Variants in BMPR1B observed in about 807,000 individuals in gnomAD.
BMPR1B encodes the protein bone morphogenetic protein receptor type-1B.
In BMPR1B, 12 loss-of-function variants were observed where a neutral mutation model predicts 59.1. The ratio of observed to expected loss-of-function variants is 0.20; its 90% CI spans 0.13 to 0.33. The LOEUF (loss-of-function observed/expected upper bound fraction) is 0.33. BMPR1B is among the 10% of genes least tolerant of loss of function. The pLI, the probability that BMPR1B is intolerant of heterozygous loss-of-function variation, is 1.00. For missense variants in BMPR1B, 550 were observed against 610.9 expected (o/e 0.90, Z 1.05); for synonymous variants, 237 against 207.3 (o/e 1.14, Z -1.23).
At chr4:94,996,915 TC>T (rs1722100533) in intron 3 of BMPR1B, among the ~76,000 whole-genome samples, 1 of 152,208 alleles carries the variant, frequency 6.6e-6, no homozygotes, top group Admixed American at 6.5e-5. Context: ...AGCATGTTCA[TC>T]TTCATTATGG....
At chr4:94,792,592 A>G (rs1329404960) in intron 1 of BMPR1B, among the ~76,000 whole-genome samples, 1 of 152,164 alleles carries the variant, frequency 6.6e-6, no homozygotes, top group Non-Finnish European at 1.5e-5. Flanking sequence ...AAGTCAAGAG[A>G]CTACTTTGAG....
intron 10 of BMPR1B, among the ~76,000 whole-genome samples, chr4:95,131,789 C>T (rs757523206): frequency 6.6e-6 from 1 of 152,182 alleles, no homozygotes; most frequent in East Asian, 1.9e-4. Flanking sequence ...CCTGGGAATA[C>T]GTAGTCAGAA....
At chr4:94,819,787 A>G (rs1049870376) in intron 1 of BMPR1B, among the ~76,000 whole-genome samples, 1 of 152,238 alleles carries the variant, frequency 6.6e-6, no homozygotes, top group African/African-American at 2.4e-5. Context: ...GAACCTTTTA[A>G]CAAGGAGCTC....
chr4:94,970,594 TGAACCA>T (rs1730753498), intron 2 of BMPR1B, among the ~76,000 whole-genome samples: 1 of 152,186 alleles, frequency 6.6e-6, no homozygotes, highest in Non-Finnish European at 1.5e-5. Flanking sequence ...ATTACAGGCA[TGAACCA>T]CCACACCCGG....
chr4:95,013,017 A>G (rs187332692), intron 3 of BMPR1B, among the ~76,000 whole-genome samples: 1 of 152,248 alleles, frequency 6.6e-6, no homozygotes, highest in African/African-American at 2.4e-5. Context: ...GTTGAAAGCA[A>G]AATTTTTAAA....
intron 3 of BMPR1B, among the ~76,000 whole-genome samples, chr4:95,103,268 C>T (rs1458529282): frequency 6.6e-6 from 1 of 151,912 alleles, no homozygotes; most frequent in Admixed American, 6.6e-5. Flanking sequence ...TCTGATGGAA[C>T]CATTACCTGC....
chr4:95,151,653 A>G (rs1433444981), intron 11 of BMPR1B, among the ~76,000 whole-genome samples: 3 of 152,340 alleles, frequency 2.0e-5, no homozygotes, highest in African/African-American at 7.2e-5. Flanking sequence ...GTTTACAAGA[A>G]AGAACATAAC....
At chr4:94,895,647 G>A (rs1175918105) in intron 2 of BMPR1B, among the ~76,000 whole-genome samples, 1 of 150,736 alleles carries the variant, frequency 6.6e-6, no homozygotes, top group Admixed American at 6.6e-5. Flanking sequence ...AAATATCTTG[G>A]TATTTATGAG....
intron 1 of BMPR1B, among the ~76,000 whole-genome samples, chr4:94,786,928 A>G (rs1327316967): frequency 6.6e-6 from 1 of 152,018 alleles, no homozygotes; most frequent in African/African-American, 2.4e-5. Flanking sequence ...GCCTCAAGTG[A>G]TCCTCCTGCC....
intron 3 of BMPR1B, among the ~76,000 whole-genome samples, chr4:95,080,251 T>A (rs1729024885): frequency 6.6e-6 from 1 of 152,216 alleles, no homozygotes; most frequent in Non-Finnish European, 1.5e-5. Flanking sequence ...TGTACGTATG[T>A]ATGTATATAA....
intron 1 of BMPR1B, among the ~76,000 whole-genome samples, chr4:94,763,232 G>A (rs541341940): frequency 6.6e-6 from 1 of 152,288 alleles, no homozygotes; most frequent in East Asian, 1.9e-4. Context: ...CTCTAATTAG[G>A]TCTGAGTGTC....
At chr4:94,891,551 T>G (rs945536975) in intron 2 of BMPR1B, among the ~76,000 whole-genome samples, 1 of 152,076 alleles carries the variant, frequency 6.6e-6, no homozygotes, top group Non-Finnish European at 1.5e-5. Flanking sequence ...GTTTTTGAAG[T>G]GGCAGTAATC....
At chr4:94,945,172 A>G (rs1729661417) in intron 2 of BMPR1B, among the ~76,000 whole-genome samples, 1 of 152,218 alleles carries the variant, frequency 6.6e-6, no homozygotes, top group African/African-American at 2.4e-5. Context: ...TCACAGAATT[A>G]ATATAGAATT....
At chr4:94,982,164 G>A (rs1721118742) in intron 2 of BMPR1B, among the ~76,000 whole-genome samples, 2 of 152,090 alleles carry the variant, frequency 1.3e-5, no homozygotes, top group Admixed American at 6.6e-5. Flanking sequence ...ATTGTGTTGG[G>A]TATTTCCAGA....
At chr4:94,911,573 T>A (rs972144676) in intron 2 of BMPR1B, among the ~76,000 whole-genome samples, 1 of 152,152 alleles carries the variant, frequency 6.6e-6, no homozygotes, top group Non-Finnish European at 1.5e-5. Context: ...TTCTGGAAAT[T>A]CAGAAAATTT....
chr4:94,764,654 C>T (rs1330024106), intron 1 of BMPR1B, among the ~76,000 whole-genome samples: 1 of 152,196 alleles, frequency 6.6e-6, no homozygotes, highest in Non-Finnish European at 1.5e-5. Context: ...CTGTTTTGGA[C>T]ATCTGCTTTC....
At chr4:94,945,482 G>T (rs1357417173) in intron 2 of BMPR1B, among the ~76,000 whole-genome samples, 1 of 152,148 alleles carries the variant, frequency 6.6e-6, no homozygotes, top group Non-Finnish European at 1.5e-5. Context: ...CTGTTGTCCA[G>T]TCTAGAGTGC....
At chr4:94,937,719 GACACACAC>G (rs70946570) in intron 2 of BMPR1B, among the ~76,000 whole-genome samples, 14 of 147,624 alleles carry the variant, frequency 9.5e-5, no homozygotes, top group Non-Finnish European at 3.0e-5. Context: ...CACACACACA[GACACACAC>G]ACACACACAC....
In BMPR1B at chr4:94,906,051, T is replaced by C. The variant is rs527521839; in HGVS notation, c.-113+30151T>C. 1.1e-4 allele frequency among the ~76,000 whole-genome samples: 16 copies of C among 152,044 alleles called. No homozygotes were observed. In the East Asian group the frequency reaches 2.9e-3, roughly 28 times the overall value. On this transcript the variant is annotated intron_variant, in intron 2 of 12. Transcript: ENST00000515059. Reference sequence around the variant, plus strand: ...AAGTATTTCTAAGGTTTGTTCTGTTTTTGTCAAGGAGACTCCTAGTTCCTG... The same window carrying C: ...AAGTATTTCTAAGGTTTGTTCTGTTCTTGTCAAGGAGACTCCTAGTTCCTG...
Sources: gnomAD v4.1 joint callset for allele counts (sites outside exome capture counted in the v4.1 genomes callset) on GRCh38, gnomAD v4.1.1 for gene constraint, MANE v1.5 for transcripts, NCBI Gene and HGNC (gene_info 2026-07-23, HGNC 2026-07-21) for gene names.